PAPPA2: variants seen among roughly 807,000 people sequenced by gnomAD.
PAPPA2 encodes pappalysin-2.
In PAPPA2, 86 loss-of-function variants were observed where a neutral mutation model predicts 176.4. The observed-to-expected ratio is 0.49, with a 90% CI of 0.41 to 0.58. The LOEUF (loss-of-function observed/expected upper bound fraction) is 0.58, where lower values mean the gene tolerates loss of function less well. PAPPA2 is among the 20% of genes least tolerant of loss of function. The probability of loss-of-function intolerance (pLI) is 0.00; values close to 1 mark genes in which losing one functional copy is unlikely to be tolerated. For missense variants in PAPPA2, 2,073 were observed against 2,256.9 expected (o/e 0.92, Z 1.65); for synonymous variants, 809 against 852.2 (o/e 0.95, Z 0.88).
intron 3 of PAPPA2, among the ~76,000 whole-genome samples, chr1:176,632,720 A>G (rs576038503): frequency 2.0e-5 from 3 of 152,164 alleles, no homozygotes; most frequent in Non-Finnish European, 4.4e-5. Flanking sequence ...ACCTGAAGGC[A>G]TATCTTTTAG....
chr1:176,465,289 A>G (rs1038571282), intron 1 of PAPPA2, among the ~76,000 whole-genome samples: 3 of 152,208 alleles, frequency 2.0e-5, no homozygotes, highest in Non-Finnish European at 4.4e-5. Context: ...ACTAGTTAAA[A>G]GTGTATGGAG....
At chr1:176,634,991 A>G (rs1221712569) in intron 3 of PAPPA2, among the ~76,000 whole-genome samples, 5 of 151,874 alleles carry the variant, frequency 3.3e-5, no homozygotes, top group African/African-American at 1.2e-4. Flanking sequence ...AGATAGATAG[A>G]TAGATAGATA....
intron 1 of PAPPA2, among the ~76,000 whole-genome samples, chr1:176,497,772 C>T (rs1429202433): frequency 6.6e-6 from 1 of 152,166 alleles, no homozygotes; most frequent in African/African-American, 2.4e-5. Context: ...ATTTGCATAT[C>T]CTAGGGCTAA....
intron 21 of PAPPA2, among the ~76,000 whole-genome samples, chr1:176,829,453 C>T (rs912092968): frequency 1.3e-5 from 2 of 152,174 alleles, no homozygotes; most frequent in Non-Finnish European, 2.9e-5. Flanking sequence ...TGCCTGCATG[C>T]GGTGAACAGG....
chr1:176,722,926 G>C (rs1661691229), intron 12 of PAPPA2, among the ~76,000 whole-genome samples: 1 of 152,150 alleles, frequency 6.6e-6, no homozygotes, highest in Admixed American at 6.5e-5. Flanking sequence ...CCGTGTTTTA[G>C]TCTGCCTTCT....
At chr1:176,779,256 T>C (rs1664599429) in intron 17 of PAPPA2, among the ~76,000 whole-genome samples, 1 of 152,108 alleles carries the variant, frequency 6.6e-6, no homozygotes, top group Admixed American at 6.6e-5. Context: ...CTCTTTCTGG[T>C]CTTCGTTTGT....
intron 1 of PAPPA2, among the ~76,000 whole-genome samples, chr1:176,548,384 C>A (rs1349339456): frequency 6.6e-6 from 1 of 152,106 alleles, no homozygotes; most frequent in Non-Finnish European, 1.5e-5. Flanking sequence ...GGAAGTGGGA[C>A]TTTCCCTAAC....
At chr1:176,822,047 C>T (rs774440786) in intron 21 of PAPPA2, among the ~76,000 whole-genome samples, 2 of 152,264 alleles carry the variant, frequency 1.3e-5, no homozygotes, top group East Asian at 1.9e-4. Context: ...AAGCTCCCTG[C>T]CTCCCACTCA....
At chr1:176,720,720 C>T (rs1661577759) in intron 12 of PAPPA2, among the ~76,000 whole-genome samples, 1 of 152,030 alleles carries the variant, frequency 6.6e-6, no homozygotes, top group Non-Finnish European at 1.5e-5. Flanking sequence ...ACAATTAAGT[C>T]TCATGATAGG....
chr1:176,840,204 T>C lies in PAPPA2; in HGVS notation c.5234T>C (p.Ile1745Thr). The C allele has an allele frequency of 6.2e-7, 1 of 1,613,410 alleles. No homozygotes were observed. Among genetic ancestry groups the C allele is most frequent in the Non-Finnish European group, 8.5e-7 (1 of 1,179,602 alleles). The part of the protein sequence containing the change: ...PFQADGWCDT[I>T]NNRAYCHYDG... The stretch of plus-strand genomic sequence containing the variant: ...CAAGCAGATGGTTGGTGTGACACTA[T>C]CAACAACCGAGCCTACTGCCACTAT... The change falls in exon 22 of 23, where the codon ATC becomes ACC. Residue 1745 changes from isoleucine to threonine, a missense_variant. By Grantham distance (89) the Ile-to-Thr change is moderately conservative. This residue lies in a region of PAPPA2 where 846 missense variants were observed against 857.9 expected (regional missense o/e 0.99). Transcript: ENST00000367662.
chr1:176,553,138 G>T (rs1651063004), intron 1 of PAPPA2, among the ~76,000 whole-genome samples: 1 of 151,856 alleles, frequency 6.6e-6, no homozygotes, highest in South Asian at 2.1e-4. Context: ...CTGTGTTTTT[G>T]ATCTGATTCA....
chr1:176,666,030 A>G (rs1658622045), intron 3 of PAPPA2, among the ~76,000 whole-genome samples: 1 of 152,164 alleles, frequency 6.6e-6, no homozygotes, highest in South Asian at 2.1e-4. Context: ...AAGTTTAAGA[A>G]TAGAAGGGCT....
At chr1:176,799,538 C>T (rs1665584921) in intron 20 of PAPPA2, among the ~76,000 whole-genome samples, 1 of 152,124 alleles carries the variant, frequency 6.6e-6, no homozygotes, top group Non-Finnish European at 1.5e-5. Flanking sequence ...TTACAGAGTG[C>T]AATTTCACCT....
chr1:176,793,692 G>C, intron 20 of PAPPA2, 23 bp downstream of exon 20: 1 of 1,541,592 alleles, frequency 6.5e-7, no homozygotes, highest in Non-Finnish European at 8.9e-7. Context: ...ACATTGTTAT[G>C]TGCCAAAGAC....
rs1194350738 is a variant in PAPPA2 at position 176,534,193 on chromosome 1, C to T, written c.-916-21214C>T. 3.3e-5 allele frequency among the ~76,000 whole-genome samples: 5 copies of T among 152,194 alleles called. No individual in the cohort carries two copies. In the East Asian group the frequency reaches 9.6e-4, roughly 29 times the overall value. ...AGCAGTAGGGAAAAGTAGCTTCTGT[C>T]AGAATTATCCCATGTTCTGGTACCT... On this transcript the variant is annotated intron_variant, in intron 1 of 22. Coordinates refer to ENST00000367662, the MANE Select transcript of PAPPA2 (RefSeq NM_020318.3).
chr1:176,565,108 A>T (rs1651888611), intron 2 of PAPPA2, among the ~76,000 whole-genome samples: 1 of 152,160 alleles, frequency 6.6e-6, no homozygotes, highest in Non-Finnish European at 1.5e-5. Context: ...ATGTATTGGC[A>T]CTTCATTCCT....
At chr1:176,729,551 ACTAAATGCC>A (rs1662035393) in intron 12 of PAPPA2, among the ~76,000 whole-genome samples, 1 of 152,062 alleles carries the variant, frequency 6.6e-6, no homozygotes, top group Admixed American at 6.6e-5. Context: ...AATTTATAGC[ACTAAATGCC>A]CACAAGAGAA....
At chr1:176,637,031 A>C (rs967067625) in intron 3 of PAPPA2, among the ~76,000 whole-genome samples, 6 of 152,132 alleles carry the variant, frequency 3.9e-5, no homozygotes, top group Non-Finnish European at 7.3e-5. Flanking sequence ...CTTCTGAAAG[A>C]GGTAAAATCT....
intron 9 of PAPPA2, 105 bp downstream of exon 9, chr1:176,702,840 G>T: frequency 7.1e-7 from 1 of 1,415,554 alleles, no homozygotes; most frequent in Non-Finnish European, 9.5e-7. Context: ...TCTCTAAACA[G>T]AAGTTTCAGG....
Sources: allele counts gnomAD v4.1 joint callset (sites outside exome capture counted in the v4.1 genomes callset), GRCh38; gene constraint gnomAD v4.1.1; regional missense constraint gnomAD v4.1.1; transcripts MANE v1.5; gene names NCBI Gene and HGNC (gene_info 2026-07-23, HGNC 2026-07-21).